Variants in PSME4 observed in about 807,000 individuals in gnomAD.
PSME4 encodes proteasome activator complex subunit 4.
In PSME4, 89 loss-of-function variants were observed where a neutral mutation model predicts 253.9. The observed-to-expected ratio is 0.35, with a 90% CI of 0.30 to 0.42. The LOEUF (loss-of-function observed/expected upper bound fraction) is 0.42. Among genes scored for constraint, PSME4 ranks in the 10% least tolerant of loss-of-function variants. The pLI, the probability that PSME4 is intolerant of heterozygous loss-of-function variation, is 1.00. For missense variants in PSME4, 2,014 were observed against 2,195.2 expected (o/e 0.92, Z 1.65); for synonymous variants, 851 against 759.2 (o/e 1.12, Z -1.99).
At chr2:53,890,247 C>T in intron 36 of PSME4, 39 bp from the exon 37 acceptor site, 4 of 1,355,790 alleles carry the variant, frequency 3.0e-6, no homozygotes, top group Non-Finnish European at 4.2e-6. Flanking sequence ...GTTAATGACA[C>T]TCAGAACATT....
At chr2:53,943,072 C>G (rs1338421452) in intron 3 of PSME4, among the ~76,000 whole-genome samples, 1 of 152,126 alleles carries the variant, frequency 6.6e-6, no homozygotes. Context: ...GCCTCCTGCC[C>G]CCTTGGCTCT....
At chr2:53,898,122 A>G in intron 30 of PSME4, 123 bp from the exon 31 acceptor site, 3 of 1,206,648 alleles carry the variant, frequency 2.5e-6, no homozygotes, top group Non-Finnish European at 3.5e-6. Flanking sequence ...AGTGAAGAAT[A>G]CTGCTCCTAT....
At chr2:53,962,113 T>C (rs897912124) in intron 1 of PSME4, among the ~76,000 whole-genome samples, 9 of 152,212 alleles carry the variant, frequency 5.9e-5, no homozygotes, top group African/African-American at 2.2e-4. Flanking sequence ...TTAGGCTAAA[T>C]TGTGGGAGCT....
intron 20 of PSME4, among the ~76,000 whole-genome samples, chr2:53,916,963 C>T (rs1158350217): frequency 6.6e-6 from 1 of 151,686 alleles, no homozygotes; most frequent in African/African-American, 2.4e-5. Flanking sequence ...TCATTATCCC[C>T]CACAGATACA....
At chr2:53,960,882 C>A (rs1028653883) in intron 1 of PSME4, among the ~76,000 whole-genome samples, 1 of 151,844 alleles carries the variant, frequency 6.6e-6, no homozygotes, top group African/African-American at 2.4e-5. Context: ...CCAAGGCAGG[C>A]GGATCACGTG....
chr2:53,921,228 G>A (rs1006507478), intron 17 of PSME4, 124 bp from the exon 18 acceptor site: 1 of 1,411,262 alleles, frequency 7.1e-7, no homozygotes, highest in Admixed American at 2.6e-5. Context: ...ATTAATTTTA[G>A]GATTGTCACT....
At chr2:53,933,554 C>T (rs1020041518) in intron 8 of PSME4, among the ~76,000 whole-genome samples, 2 of 152,100 alleles carry the variant, frequency 1.3e-5, no homozygotes, top group African/African-American at 4.8e-5. Context: ...CTTACTTTTA[C>T]TTTTGTTTTC....
chr2:53,875,711 T>A lies in PSME4; in HGVS notation c.4860A>T (p.Arg1620Ser). 1 of 1,613,326 alleles carries A rather than the reference T, an allele frequency of 6.2e-7. No individual in the cohort carries two copies. The highest frequency in any genetic ancestry group is 8.5e-7 in the Non-Finnish European group (1 of 1,179,452). The change falls in exon 42 of 47, where the codon AGA (arginine) becomes AGT (serine). Residue 1620 changes from arginine to serine, a missense_variant. Transcript: ENST00000404125. ...ENDNSYDELK[R>S]DAKLCLSLMS... Reference sequence around the variant, plus strand: ...TTAATGATAAACATAACTTTGCATCTCTTTTCAGTTCATCGTAGCTATTGT... The same window carrying A: ...TTAATGATAAACATAACTTTGCATCACTTTTCAGTTCATCGTAGCTATTGT...
chr2:53,940,998 T>TATATATATATATATATATATGA (rs1553338492), intron 3 of PSME4, among the ~76,000 whole-genome samples: 1 of 85,908 alleles, frequency 1.2e-5, no homozygotes, highest in Non-Finnish European at 2.5e-5. Context: ...TATATATATA[T>TATATATATATATATATATATGA]ATGAAAGGAG....
intron 1 of PSME4, among the ~76,000 whole-genome samples, chr2:53,951,131 G>A (rs1436573410): frequency 6.6e-6 from 1 of 152,094 alleles, no homozygotes; most frequent in East Asian, 1.9e-4. Flanking sequence ...CACCCAGGCT[G>A]GAGTGCAGTG....
intron 1 of PSME4, 80 bp from the exon 2 acceptor site, chr2:53,949,363 G>A: frequency 1.1e-6 from 1 of 925,200 alleles, no homozygotes; most frequent in Non-Finnish European, 1.5e-6. Context: ...ATCCATAGAA[G>A]CCAAGATGTA....
At chr2:53,910,864 G>A (rs998043312) in intron 20 of PSME4, among the ~76,000 whole-genome samples, 4 of 152,104 alleles carry the variant, frequency 2.6e-5, no homozygotes, top group Non-Finnish European at 4.4e-5. Flanking sequence ...TTCAAAATAT[G>A]AGATTTAATT....
chr2:53,930,830 A>G lies in PSME4; in HGVS notation c.1316+1005T>C, dbSNP rs72902975. 9.8e-4 allele frequency among the ~76,000 whole-genome samples: 149 copies of G among 152,334 alleles called. 1 individual carries two copies. The highest frequency in any genetic ancestry group is 3.4e-3 in the Middle Eastern group (1 of 294). ...AATTTTTATGGAACTCAATGGCTAG[A>G]TCCTTCTGGGTTCTAAAAACTAACA... is the stretch of plus-strand genomic sequence containing the variant. On this transcript the variant is annotated intron_variant, in intron 10 of 46. Coordinates refer to ENST00000404125, the MANE Select transcript of PSME4 (RefSeq NM_014614.3).
chr2:53,880,812 T>C (rs1227759095), intron 41 of PSME4, among the ~76,000 whole-genome samples: 1 of 152,202 alleles, frequency 6.6e-6, no homozygotes, highest in Admixed American at 6.5e-5. Flanking sequence ...TCTCTAGGCA[T>C]TACACGTGGA....
chr2:53,890,614 T>A (rs1053956639), intron 36 of PSME4, among the ~76,000 whole-genome samples: 11 of 152,226 alleles, frequency 7.2e-5, no homozygotes, highest in Admixed American at 1.3e-4. Flanking sequence ...GCCCTAATTA[T>A]TTTTTAGAGC....
intron 28 of PSME4, among the ~76,000 whole-genome samples, chr2:53,900,488 A>C (rs911352852): frequency 6.6e-6 from 1 of 152,060 alleles, no homozygotes; most frequent in Admixed American, 6.6e-5. Context: ...GGGGATGATT[A>C]TGCCACTGCA....
At position 53,928,226 on chromosome 2, in the gene PSME4, C is replaced by T. The variant is rs142928312; in HGVS notation, c.1394G>A (p.Arg465His). 18 of 1,614,088 alleles carry T rather than the reference C, an allele frequency of 1.1e-5. No homozygotes were observed. The East Asian group carries it at 1.8e-4, about 16-fold the overall frequency. Residue 465 changes from arginine (R) to histidine (H), a missense_variant, in exon 11 of 47, where the codon CGC becomes CAC. Around this residue, in one of 4 missense-constraint regions of PSME4, gnomAD observed 615 missense variants for 594.4 expected, o/e 1.03. Coordinates refer to ENST00000404125, the MANE Select transcript of PSME4 (RefSeq NM_014614.3). The part of the protein sequence containing the change: ...ATLSCVIGVA[R>H]SLVSGGRWFP... ...CCATCTGCCTCCTGATACCAAACTG[C>T]GGGCTACTCCAATTACACAACTTAA...
intron 12 of PSME4, among the ~76,000 whole-genome samples, chr2:53,926,518 A>G (rs1484710927): frequency 1.3e-5 from 2 of 152,158 alleles, no homozygotes; most frequent in Admixed American, 6.5e-5. Flanking sequence ...TACTAAAAAT[A>G]CACATATACA....
At chr2:53,944,405 C>T (rs1275901595) in intron 3 of PSME4, among the ~76,000 whole-genome samples, 1 of 152,176 alleles carries the variant, frequency 6.6e-6, no homozygotes, top group Non-Finnish European at 1.5e-5. Flanking sequence ...GATGATCCAT[C>T]TACCTCAGCT....
Sources: allele counts gnomAD v4.1 joint callset (sites outside exome capture counted in the v4.1 genomes callset), GRCh38; gene constraint gnomAD v4.1.1; regional missense constraint gnomAD v4.1.1; transcripts MANE v1.5; gene names NCBI Gene and HGNC (gene_info 2026-07-23, HGNC 2026-07-21).